The following FER1L6 variants were observed in gnomAD, a reference collection of about 807,000 sequenced individuals.
FER1L6 encodes fer-1 like family member 6.
FER1L6 carries 177 observed loss-of-function variants against 219.2 expected under a neutral mutation model. That is an observed-to-expected ratio of 0.81 (90% CI 0.71 to 0.91). The LOEUF is 0.91. Among genes scored for constraint, FER1L6 ranks in the 40% least tolerant of loss-of-function variants. FER1L6 has a pLI of 0.00. For missense variants in FER1L6, 2,153 were observed against 2,259.9 expected (o/e 0.95, Z 0.96); for synonymous variants, 768 against 824.3 (o/e 0.93, Z 1.17).
intron 32 of FER1L6, among the ~76,000 whole-genome samples, chr8:124,079,493 T>C (rs184273105): frequency 2.0e-5 from 3 of 152,262 alleles, no homozygotes; most frequent in Middle Eastern, 3.4e-3. Context: ...ACACCTGGAT[T>C]AGCGTTTGAT....
At chr8:123,878,090 A>G (rs1327547997) in intron 1 of FER1L6, among the ~76,000 whole-genome samples, 4 of 152,206 alleles carry the variant, frequency 2.6e-5, no homozygotes, top group Admixed American at 6.5e-5. Flanking sequence ...TCACTCTCCC[A>G]GAGAGGGCAA....
chr8:124,069,269 G>A lies in FER1L6; in HGVS notation c.3719-91G>A, dbSNP rs1317650355. The A allele has an allele frequency of 6.3e-6, 6 of 958,422 alleles. No homozygotes were observed. The South Asian group carries it at 6.8e-5, about 11-fold the overall frequency. 59.4% of individuals were successfully genotyped at this position (958,422 alleles called of 1,614,324 possible). On this transcript the variant is annotated intron_variant, in intron 28 of 40. Coordinates refer to ENST00000522917, the MANE Select transcript of FER1L6 (RefSeq NM_001039112.2). ...CTATTTCTGAAGGGTCACAACATAG[G>A]ACATGTCAGCAAAAGGAAAGAAGGA...
In FER1L6 at chr8:124,070,544, G is replaced by A. The variant is rs764246083; in HGVS notation, c.3912G>A (p.Lys1304=). 2 of 1,611,822 alleles carry A rather than the reference G, an allele frequency of 1.2e-6. No individual in the cohort carries two copies. Among genetic ancestry groups the A allele is most frequent in the Admixed American group, 1.7e-5 (1 of 59,536 alleles). ...WVKTFELFRG[K]STEDDHGLDG... is the part of the protein sequence containing the mutation. Reference sequence around the variant, plus strand: ...AAACTTTTGAGCTCTTCAGAGGCAAGTCTACGGAAGATGACCATGGTCTTG... The same window carrying A: ...AAACTTTTGAGCTCTTCAGAGGCAAATCTACGGAAGATGACCATGGTCTTG... The change falls in exon 30 of 41, where the codon AAG becomes AAA. Residue 1304 remains lysine, a synonymous_variant. Coordinates refer to ENST00000522917, the MANE Select transcript of FER1L6 (RefSeq NM_001039112.2).
At chr8:124,075,109 TA>T (rs1821223415) in intron 31 of FER1L6, among the ~76,000 whole-genome samples, 1 of 152,188 alleles carries the variant, frequency 6.6e-6, no homozygotes, top group African/African-American at 2.4e-5. Flanking sequence ...ACTAAATTTA[TA>T]ACACACATTT....
Position 124,013,540 on chromosome 8 carries a change from A to T in FER1L6, c.1922+9A>T, listed in dbSNP as rs780882032. On this transcript the variant is annotated intron_variant, in intron 15 of 40. Coordinates refer to ENST00000522917, the MANE Select transcript of FER1L6 (RefSeq NM_001039112.2). Reference sequence around the variant, plus strand: ...TTCATCAGTCGGAGCAGGTACCGGGAGAGACAGCCGGCATAGGCGGAGCTG... The same window carrying T: ...TTCATCAGTCGGAGCAGGTACCGGGTGAGACAGCCGGCATAGGCGGAGCTG... 1 of 1,577,902 alleles carries T rather than the reference A, an allele frequency of 6.3e-7. No homozygotes were observed. The highest frequency in any genetic ancestry group is 8.6e-7 in the Non-Finnish European group (1 of 1,164,542).
chr8:123,868,588 C>T (rs1291803913), intron 1 of FER1L6, among the ~76,000 whole-genome samples: 1 of 152,220 alleles, frequency 6.6e-6, no homozygotes, highest in African/African-American at 2.4e-5. Context: ...TGCCTGCTCA[C>T]ACTTTGGAAG....
intron 13 of FER1L6, among the ~76,000 whole-genome samples, chr8:124,005,129 G>C (rs896046039): frequency 1.4e-4 from 21 of 151,612 alleles, no homozygotes; most frequent in Non-Finnish European, 2.8e-4. Flanking sequence ...TAAAAATTCT[G>C]GCCATTGGCA....
chr8:124,097,465 C>T, intron 36 of FER1L6, 106 bp downstream of exon 36: 1 of 827,472 alleles, frequency 1.2e-6, no homozygotes, highest in Non-Finnish European at 2.0e-6. Flanking sequence ...CATCATACCT[C>T]ACTATCCACC....
Position 124,035,432 on chromosome 8 carries a change from C to G in FER1L6, c.2442C>G (p.Pro814=), listed in dbSNP as rs200539275. 27 of 1,613,252 alleles carry G rather than the reference C, an allele frequency of 1.7e-5. No homozygotes were observed. In the East Asian group the frequency reaches 5.6e-4, roughly 33 times the overall value. ...CCAAAGGGGCTGGCACCAATCACCC[C>G]CCATCTAACCTGCTCTACCAAGGTA... The part of the protein sequence containing the change: ...MSSKGAGTNH[P]PSNLLYQEQH... The change falls in exon 19 of 41, where the codon CCC becomes CCG. Residue 814 remains proline (P), a synonymous_variant. Coordinates refer to ENST00000522917, the MANE Select transcript of FER1L6 (RefSeq NM_001039112.2).
chr8:123,943,181 TA>T (rs994406769), intron 1 of FER1L6, among the ~76,000 whole-genome samples: 13 of 152,176 alleles, frequency 8.5e-5, no homozygotes, highest in African/African-American at 3.1e-4. Flanking sequence ...AAGTGCTCAA[TA>T]AATGTTAACC....
At chr8:123,904,701 C>G (rs1409765610) in intron 1 of FER1L6, among the ~76,000 whole-genome samples, 1 of 152,164 alleles carries the variant, frequency 6.6e-6, no homozygotes, top group Non-Finnish European at 1.5e-5. Context: ...TCCACTGTTA[C>G]ACAGTGAGTC....
rs954080648 is a variant in FER1L6 at position 124,084,172 on chromosome 8, T to G, written c.4391+1714T>G. Among the ~76,000 whole-genome samples, 7 of 149,200 alleles carry G rather than the reference T, an allele frequency of 4.7e-5. No homozygotes were observed. The South Asian group carries it at 9.0e-4, about 19-fold the overall frequency. On this transcript the variant is annotated intron_variant, in intron 33 of 40. Coordinates refer to ENST00000522917, the MANE Select transcript of FER1L6 (RefSeq NM_001039112.2). ...ACGGTTTTCTTGTGGAATCTTTAGTTTTTTTTTTTTTAAATATAAGATCAT... is the reference window on the plus strand; with the variant it reads ...ACGGTTTTCTTGTGGAATCTTTAGTGTTTTTTTTTTTAAATATAAGATCAT...
Position 123,963,343 on chromosome 8 carries a change from T to A in FER1L6, c.142T>A (p.Leu48Met). 3 of 1,614,136 alleles carry A rather than the reference T, an allele frequency of 1.9e-6. No individual in the cohort carries two copies. The highest frequency in any genetic ancestry group is 2.5e-6 in the Non-Finnish European group (3 of 1,179,982). ...TCACCAGGAAGGACCGAGAGGAGAT[T>A]TGGTCCATGATGATGCTTCTATCTT... Reference protein sequence around the residue: ...PSHQEGPRGDLVHDDASIFPV... With the variant: ...PSHQEGPRGDMVHDDASIFPV... Residue 48 changes from leucine to methionine, a missense_variant, in exon 3 of 41, where the codon TTG becomes ATG. Coordinates refer to ENST00000522917, the MANE Select transcript of FER1L6 (RefSeq NM_001039112.2).
At chr8:123,929,938 C>T (rs1030685317) in intron 1 of FER1L6, among the ~76,000 whole-genome samples, 1 of 150,096 alleles carries the variant, frequency 6.7e-6, no homozygotes, top group Admixed American at 6.6e-5. Context: ...GTCTGTGGCT[C>T]TTGTACATTT....
intron 1 of FER1L6, among the ~76,000 whole-genome samples, chr8:123,901,629 A>C (rs1464103075): frequency 2.0e-5 from 3 of 151,782 alleles, no homozygotes; most frequent in African/African-American, 7.3e-5. Flanking sequence ...TTTTTGATGT[A>C]GGTGTGTAGG....
At chr8:123,993,205 G>A (rs913700826) in intron 12 of FER1L6, among the ~76,000 whole-genome samples, 1 of 152,054 alleles carries the variant, frequency 6.6e-6, no homozygotes, top group African/African-American at 2.4e-5. Context: ...CACTTTGGGA[G>A]GCCGAGGCGG....
chr8:123,860,087 G>C, intron 1 of FER1L6, among the ~76,000 whole-genome samples: 1 of 134,206 alleles, frequency 7.5e-6, no homozygotes, highest in South Asian at 2.4e-4. Context: ...CCACTAACTC[G>C]TCATCTAGCA....
At chr8:123,992,940 T>C (rs1353779369) in intron 12 of FER1L6, among the ~76,000 whole-genome samples, 3 of 152,226 alleles carry the variant, frequency 2.0e-5, no homozygotes, top group Admixed American at 2.0e-4. Flanking sequence ...AATTTCCATC[T>C]TGATTTCATT....
chr8:124,070,715 T>C (rs1482776138), intron 30 of FER1L6, 117 bp downstream of exon 30: 2 of 902,580 alleles, frequency 2.2e-6, no homozygotes, highest in African/African-American at 3.5e-5. Flanking sequence ...TCCTTAATTT[T>C]TACTCAAGTC....
Sources: gnomAD v4.1 joint callset for allele counts (sites outside exome capture counted in the v4.1 genomes callset) on GRCh38, gnomAD v4.1.1 for gene constraint, MANE v1.5 for transcripts, NCBI Gene and HGNC (gene_info 2026-07-23, HGNC 2026-07-21) for gene names.